The following FAAP24 variants were observed in gnomAD, a reference collection of about 807,000 sequenced individuals.
FAAP24 encodes FA core complex associated protein 24.
FAAP24 carries 16 observed loss-of-function variants against 14.3 expected under a neutral mutation model. That is an observed-to-expected ratio of 1.12 (90% CI 0.76 to 1.69). The LOEUF (loss-of-function observed/expected upper bound fraction) is 1.69, where lower values mean the gene tolerates loss of function less well. FAAP24 is among the 40% of genes most tolerant of loss of function. FAAP24 has a pLI of 0.00. For synonymous variants in FAAP24, 111 were observed against 106.2 expected (o/e 1.04, Z -0.28); for missense variants, 234 against 262.7 (o/e 0.89, Z 0.75).
Position 32,977,530 on chromosome 19 carries a change from C to A in FAAP24, c.*848C>A, listed in dbSNP as rs1278474853. On this transcript the variant is annotated 3_prime_UTR_variant, in exon 5 of 5. Coordinates refer to ENST00000588258, the MANE Select transcript of FAAP24 (RefSeq NM_152266.5). The stretch of plus-strand genomic sequence containing the variant: ...TCCTTTCCTTTGTTCCTCCCTCCCC[C>A]CGGCCTTTTTTTTTGGCAGATGTAC... The A allele has an allele frequency of 2.5e-6, 1 of 398,410 alleles. No homozygotes were observed. 24.7% of individuals were successfully genotyped at this position (398,410 alleles called of 1,614,324 possible).
chr19:32,972,712 T>TTTA (rs1455613433), intron 1 of FAAP24, among the ~76,000 whole-genome samples: 1 of 93,346 alleles, frequency 1.1e-5, no homozygotes. Flanking sequence ...TTCTTTTTCT[T>TTTA]TTCTTTTTTT....
rs56403853 is a variant in FAAP24, at chr19:32,977,052, CAAAAAAAA to C, written c.*379_*386del. 10 of 359,732 alleles carry C rather than the reference CAAAAAAAA, an allele frequency of 2.8e-5. No individual in the cohort carries two copies. Among genetic ancestry groups the C allele is most frequent in the East Asian group, 1.9e-4 (5 of 26,656 alleles). 22.3% of individuals were successfully genotyped at this position (359,732 alleles called of 1,614,324 possible). ...CGAGACTCCGTCTCAAAGAAAACAA[CAAAAAAAA>C]AAAAAAAAGAAAAAGGATTTTCTCC... On this transcript the variant is annotated 3_prime_UTR_variant, in exon 5 of 5. Transcript: ENST00000588258.
chr19:32,972,715 C>CTTTTTTTTTTTTTTT (rs56020597), intron 1 of FAAP24, among the ~76,000 whole-genome samples: 5 of 100,744 alleles, frequency 5.0e-5, no homozygotes, highest in Non-Finnish European at 8.3e-5. Flanking sequence ...TTTTTCTTTT[C>CTTTTTTTTTTTTTTT]TTTTTTTTTT....
Position 32,976,714 on chromosome 19 carries a change from T to C in FAAP24, c.*32T>C, listed in dbSNP as rs7247715. On this transcript the variant is annotated 3_prime_UTR_variant, in exon 5 of 5. Transcript: ENST00000588258. ...GCCTCAGGGCCACGGCATCTTCTCC[T>C]GAGACCACAAACACCAGGATCTTGT... is the stretch of plus-strand genomic sequence containing the variant. 1,395,188 of 1,608,122 alleles carry C rather than the reference T, an allele frequency of 0.87. 606,641 individuals are homozygous for C. Among genetic ancestry groups the C allele is most frequent in the African/African-American group, 0.98 (73,092 of 74,816 alleles).
rs191478224 is a variant in FAAP24, at chr19:32,973,655, G to A, written c.243+93G>A. 3.9e-5 allele frequency: 52 copies of A among 1,330,190 alleles called. No individual in the cohort carries two copies. The East Asian group carries it at 1.1e-3, about 28-fold the overall frequency. 82.4% of individuals were successfully genotyped at this position (1,330,190 alleles called of 1,614,324 possible). ...GGATCACCTGAGGTCAGTAGTTGGA[G>A]ACCAGCCTGGCCAACATGGTGAAAC... On this transcript the variant is annotated intron_variant, in intron 3 of 4. Coordinates refer to ENST00000588258, the MANE Select transcript of FAAP24 (RefSeq NM_152266.5).
Position 32,977,671 on chromosome 19 carries a change from A to C in FAAP24, c.*989A>C. On this transcript the variant is annotated 3_prime_UTR_variant, in exon 5 of 5. Coordinates refer to ENST00000588258, the MANE Select transcript of FAAP24 (RefSeq NM_152266.5). ...CATAGTGGCTCACACCTGTAATCCC[A>C]GCACTTTGGGAGGCCAAGGGGGGTG... is the stretch of plus-strand genomic sequence containing the variant. 2.7e-6 allele frequency: 1 copy of C among 376,584 alleles called. No homozygotes were observed. Among genetic ancestry groups the C allele is most frequent in the Non-Finnish European group, 4.7e-6 (1 of 213,272 alleles). The allele number at this position is 376,584 out of a possible 1,614,324, so 23.3% of individuals were successfully genotyped here. A position where few individuals can be genotyped will look rare whatever the true frequency, so the allele number is the denominator to read the frequency against.
intron 1 of FAAP24, 91 bp from the exon 2 acceptor site, chr19:32,973,093 G>T (rs1599796395): frequency 1.1e-6 from 1 of 878,484 alleles, no homozygotes; most frequent in Admixed American, 2.3e-5. Context: ...TTGCAGAGGG[G>T]ATCCTGCCCC....
In FAAP24 at chr19:32,973,239, C is replaced by A. The variant is rs1230523746; in HGVS notation, c.43C>A (p.Pro15Thr). The change falls in exon 2 of 5, where the codon CCT becomes ACT. Residue 15 changes from proline (P) to threonine (T), a missense_variant. By Grantham distance (38) the Pro-to-Thr change is conservative (BLOSUM62 -1). Coordinates refer to ENST00000588258, the MANE Select transcript of FAAP24 (RefSeq NM_152266.5). ...TGATGATACGGGCCCCGTGCACGTG[C>A]CTTTGGGGCATATTGTGGCCAATGA... is the stretch of plus-strand genomic sequence containing the variant. ...PPDDTGPVHV[P>T]LGHIVANEKW... The A allele has an allele frequency of 1.9e-6, 3 of 1,614,022 alleles. No homozygotes were observed. Among genetic ancestry groups the A allele is most frequent in the Non-Finnish European group, 8.5e-7 (1 of 1,180,018 alleles).
At chr19:32,975,781 G>A (rs1971508876) in intron 4 of FAAP24, among the ~76,000 whole-genome samples, 1 of 152,156 alleles carries the variant, frequency 6.6e-6, no homozygotes, top group South Asian at 2.1e-4. Context: ...TTTAAAATCA[G>A]TTTAGTAGCT....
chr19:32,973,496 TTA>T lies in FAAP24; in HGVS notation c.179_180del (p.Tyr60CysfsTer5), dbSNP rs1393286784. ...ATCTGTCGAACAGATGCTGCATTCT[TTA>T]TGTCACCGAAGCTGATTTGGTGGCA... ...FYLSNRCCILYVTEADLVAGN... is the reference protein window; with the variant it reads ...FYLSNRCCILXVTEADLVAGN... On this transcript the variant is annotated frameshift_variant, in exon 3 of 5. Coordinates refer to ENST00000588258, the MANE Select transcript of FAAP24 (RefSeq NM_152266.5). LOFTEE classifies it high-confidence loss of function. 2 of 1,614,212 alleles carry T rather than the reference TTA, an allele frequency of 1.2e-6. No individual in the cohort carries two copies. Among genetic ancestry groups the T allele is most frequent in the Non-Finnish European group, 8.5e-7 (1 of 1,180,026 alleles).
chr19:32,973,854 CAAAA>C (rs1342698507), intron 3 of FAAP24, among the ~76,000 whole-genome samples: 1 of 151,826 alleles, frequency 6.6e-6, no homozygotes, highest in African/African-American at 2.4e-5. Context: ...GATTCCAACT[CAAAA>C]AACAAAAAAC....
chr19:32,972,825 T>G (rs1025681304), intron 1 of FAAP24, among the ~76,000 whole-genome samples: 5 of 150,054 alleles, frequency 3.3e-5, no homozygotes, highest in Non-Finnish European at 5.9e-5. Context: ...AGCAATTCTC[T>G]GCCTCAGCCT....
intron 4 of FAAP24, among the ~76,000 whole-genome samples, chr19:32,975,998 A>G (rs1971511802): frequency 6.6e-6 from 1 of 152,114 alleles, no homozygotes; most frequent in African/African-American, 2.4e-5. Flanking sequence ...ACCGTTCCTA[A>G]CTTTCCTTGA....
rs1451417400 is a variant in FAAP24, at chr19:32,973,213, CT to C, written c.18del (p.Asp7MetfsTer40). 11 of 1,613,478 alleles carry C rather than the reference CT, an allele frequency of 6.8e-6. No individual in the cohort carries two copies. The highest frequency in any genetic ancestry group is 9.3e-6 in the Non-Finnish European group (11 of 1,180,040). On this transcript the variant is annotated frameshift_variant, in exon 2 of 5. Transcript: ENST00000588258. LOFTEE classifies it high-confidence loss of function. ...AGACCATCCATGGAAAAGAACCCCCCTGATGATACGGGCCCCGTGCACGTGC... is the reference window on the plus strand; with the variant it reads ...AGACCATCCATGGAAAAGAACCCCCCGATGATACGGGCCCCGTGCACGTGC... MEKNPPDDTGPVHVPL... is the reference protein window; with the variant it reads MEKNPXDDTGPVHVPL...
At chr19:32,972,919 T>A (rs8103063) in intron 1 of FAAP24, among the ~76,000 whole-genome samples, 2,641 of 152,102 alleles carry the variant, frequency 0.017, 79 homozygotes, top group African/African-American at 0.061. Flanking sequence ...TTTCACTATC[T>A]TGGCCAGGCT....
chr19:32,976,578 C>G lies in FAAP24; in HGVS notation c.544C>G (p.Pro182Ala). ...AGCTCCCCTTCTCCTCCAGAAGTTT[C>G]CAAGCATCCAGCAACTGAGTAATGC... The part of the protein sequence containing the change: ...VKAPLLLQKF[P>A]SIQQLSNASI... The change falls in exon 5 of 5, where the codon CCA (proline) becomes GCA (alanine). Residue 182 changes from proline (P) to alanine (A), a missense_variant. Pro to Ala is a conservative substitution (Grantham distance 27). Coordinates refer to ENST00000588258, the MANE Select transcript of FAAP24 (RefSeq NM_152266.5). The G allele has an allele frequency of 3.1e-6, 5 of 1,614,190 alleles. No individual in the cohort carries two copies. The highest frequency in any genetic ancestry group is 4.2e-6 in the Non-Finnish European group (5 of 1,180,050).
intron 1 of FAAP24, 27 bp downstream of exon 1, chr19:32,972,373 G>A (rs1287375842): frequency 2.5e-6 from 1 of 402,148 alleles, no homozygotes; most frequent in African/African-American, 2.1e-5. Flanking sequence ...GGTATCAGGG[G>A]CTAGGCACGT....
intron 1 of FAAP24, among the ~76,000 whole-genome samples, chr19:32,972,661 C>T (rs1971446078): frequency 6.6e-6 from 1 of 151,976 alleles, no homozygotes; most frequent in Non-Finnish European, 1.5e-5. Context: ...ACCACACATC[C>T]CGTCTCCAGC....
chr19:32,977,540 T>C lies in FAAP24; in HGVS notation c.*858T>C, dbSNP rs1971537025. The C allele has an allele frequency of 7.5e-6, 3 of 398,242 alleles. No homozygotes were observed. The East Asian group carries it at 1.1e-4, about 14-fold the overall frequency. The allele number at this position is 398,242 out of a possible 1,614,324, so 24.7% of individuals were successfully genotyped here. On this transcript the variant is annotated 3_prime_UTR_variant, in exon 5 of 5. Transcript: ENST00000588258. ...TGTTCCTCCCTCCCCCCGGCCTTTT[T>C]TTTTGGCAGATGTACAGTTTGTTTA...
Sources: gnomAD v4.1 joint callset for allele counts (sites outside exome capture counted in the v4.1 genomes callset) on GRCh38, gnomAD v4.1.1 for gene constraint, MANE v1.5 for transcripts, NCBI Gene and HGNC (gene_info 2026-07-23, HGNC 2026-07-21) for gene names.